Variants in CSMD1 observed in about 807,000 individuals in gnomAD.
CSMD1 encodes the protein CUB and Sushi multiple domains 1.
A neutral mutation model predicts 417.5 loss-of-function variants in CSMD1; 213 were observed. The observed-to-expected ratio is 0.51, with a 90% CI of 0.46 to 0.57. The LOEUF (loss-of-function observed/expected upper bound fraction) is 0.57, where lower values mean the gene tolerates loss of function less well. Ranked by LOEUF, CSMD1 falls within the 20% of genes least tolerant of loss-of-function variation. The pLI is 0.00. For synonymous variants in CSMD1, 2,862 were observed against 1,736.8 expected (o/e 1.65, Z -16.11); for missense variants, 6,923 against 4,529.7 (o/e 1.53, Z -15.17).
At position 3,187,888 on chromosome 8, in the gene CSMD1, G is replaced by T. The variant is rs1022910772; in HGVS notation, c.5601C>A (p.Pro1867=). The change falls in exon 36 of 70, where the codon CCC becomes CCA. Residue 1867 remains proline, a synonymous_variant. Transcript: ENST00000635120. ...EIHDGGDVTA[P]RLGSFSGTTV... Reference sequence around the variant, plus strand: ...TCTTACCTGAGAAGCTTCCCAGTCTGGGTGCGGTCACATCCCCACCATCGT... The same window carrying T: ...TCTTACCTGAGAAGCTTCCCAGTCTTGGTGCGGTCACATCCCCACCATCGT... 7 of 1,612,566 alleles carry T rather than the reference G, an allele frequency of 4.3e-6. No homozygotes were observed. Among genetic ancestry groups the T allele is most frequent in the Admixed American group, 3.3e-5 (2 of 59,918 alleles).
At chr8:4,912,137 A>G (rs965664402) in intron 1 of CSMD1, among the ~76,000 whole-genome samples, 16 of 144,450 alleles carry the variant, frequency 1.1e-4, no homozygotes, top group African/African-American at 3.3e-4. Flanking sequence ...AAAAAAAAAA[A>G]AAAAGAAAGA....
intron 5 of CSMD1, among the ~76,000 whole-genome samples, chr8:3,900,365 A>G (rs572292261): frequency 2.6e-5 from 4 of 151,828 alleles, no homozygotes. Context: ...TTGACAGCAC[A>G]GCTGTGTGAC....
At chr8:3,953,840 G>C (rs1563248912) in intron 5 of CSMD1, among the ~76,000 whole-genome samples, 1 of 152,170 alleles carries the variant, frequency 6.6e-6, no homozygotes, top group Non-Finnish European at 1.5e-5. Flanking sequence ...GCAGTTCCTA[G>C]AGAGCCTAAT....
intron 3 of CSMD1, among the ~76,000 whole-genome samples, chr8:4,239,235 A>G (rs922441191): frequency 3.9e-5 from 6 of 152,224 alleles, no homozygotes; most frequent in African/African-American, 1.4e-4. Flanking sequence ...TGCCAAACTC[A>G]GAATTCCATT....
intron 5 of CSMD1, among the ~76,000 whole-genome samples, chr8:3,767,144 A>C (rs1406562781): frequency 1.3e-5 from 2 of 152,200 alleles, no homozygotes; most frequent in Non-Finnish European, 2.9e-5. Flanking sequence ...CTGTGTCTCC[A>C]GCTGGTCTGT....
chr8:3,705,612 G>A (rs1036598350), intron 7 of CSMD1, among the ~76,000 whole-genome samples: 1 of 152,224 alleles, frequency 6.6e-6, no homozygotes, highest in Admixed American at 6.5e-5. Context: ...GCAAACAGAG[G>A]GGGCTGTGGA....
chr8:4,169,936 G>A (rs1006497821), intron 3 of CSMD1, among the ~76,000 whole-genome samples: 2 of 149,834 alleles, frequency 1.3e-5, no homozygotes, highest in African/African-American at 5.1e-5. Flanking sequence ...ACTCAGAAGA[G>A]ATTTTGGCTT....
At chr8:3,905,886 C>G (rs778086535) in intron 5 of CSMD1, among the ~76,000 whole-genome samples, 9 of 152,234 alleles carry the variant, frequency 5.9e-5, no homozygotes, top group Admixed American at 3.9e-4. Context: ...TTTCTGATCT[C>G]TTACTATTTA....
intron 39 of CSMD1, 103 bp from the exon 40 acceptor site, chr8:3,151,616 C>T (rs575314592): frequency 1.1e-5 from 8 of 710,304 alleles, no homozygotes; most frequent in African/African-American, 5.3e-5. Context: ...AGCAAGTCTT[C>T]GGAGTTAATT....
chr8:4,116,422 A>G (rs1445365517), intron 3 of CSMD1, among the ~76,000 whole-genome samples: 1 of 151,848 alleles, frequency 6.6e-6, no homozygotes, highest in Non-Finnish European at 1.5e-5. Context: ...TAAGCTGTAC[A>G]CATCAGATGG....
intron 5 of CSMD1, among the ~76,000 whole-genome samples, chr8:3,926,229 C>G (rs990652210): frequency 6.6e-6 from 1 of 152,008 alleles, no homozygotes; most frequent in African/African-American, 2.4e-5. Context: ...GATTTATTTC[C>G]TCTTTTATGT....
intron 5 of CSMD1, among the ~76,000 whole-genome samples, chr8:3,936,746 C>G (rs532031120): frequency 6.6e-6 from 1 of 152,280 alleles, no homozygotes; most frequent in South Asian, 2.1e-4. Context: ...ACACAACATC[C>G]ATTCTGCAGC....
chr8:3,995,789 G>A (rs150701693), intron 5 of CSMD1, among the ~76,000 whole-genome samples: 81 of 152,220 alleles, frequency 5.3e-4, no homozygotes, highest in African/African-American at 1.7e-3. Context: ...CTCTATCCCC[G>A]GCTAATCATG....
intron 1 of CSMD1, among the ~76,000 whole-genome samples, chr8:4,705,030 T>C (rs1807832560): frequency 6.6e-6 from 1 of 152,206 alleles, no homozygotes; most frequent in Admixed American, 6.5e-5. Context: ...ATGGTAGTTA[T>C]TTTTCCCATG....
intron 5 of CSMD1, among the ~76,000 whole-genome samples, chr8:3,973,696 T>C (rs1051060833): frequency 8.5e-5 from 13 of 152,220 alleles, no homozygotes; most frequent in Non-Finnish European, 1.9e-4. Context: ...GAGGTGTGAA[T>C]GCAAGACCTT....
In CSMD1 at chr8:4,167,061, G is replaced by C. The variant is rs533182898; in HGVS notation, c.416-134962C>G. On this transcript the variant is annotated intron_variant, in intron 3 of 69. Transcript: ENST00000635120. ...GCTAGAAAACAGCAACAAACGGGGAGGAGAAAAAAACTTAGAATATCTGTA... is the reference window on the plus strand; with the variant it reads ...GCTAGAAAACAGCAACAAACGGGGACGAGAAAAAAACTTAGAATATCTGTA... Among the ~76,000 whole-genome samples, 13 of 152,086 alleles carry C rather than the reference G, an allele frequency of 8.5e-5. No individual in the cohort carries two copies. In the South Asian group the frequency reaches 2.7e-3, roughly 32 times the overall value.
At chr8:3,730,891 T>C (rs1447842456) in intron 6 of CSMD1, among the ~76,000 whole-genome samples, 1 of 152,184 alleles carries the variant, frequency 6.6e-6, no homozygotes, top group African/African-American at 2.4e-5. Flanking sequence ...GCCACTATAA[T>C]ACGTAGACCA....
intron 2 of CSMD1, among the ~76,000 whole-genome samples, chr8:4,457,881 C>A (rs888262195): frequency 1.3e-5 from 2 of 152,144 alleles, no homozygotes. Flanking sequence ...CAGCTTGATG[C>A]AGCACCGTAG....
chr8:3,077,739 T>C (rs1813791900), intron 49 of CSMD1, among the ~76,000 whole-genome samples: 1 of 152,260 alleles, frequency 6.6e-6, no homozygotes, highest in Non-Finnish European at 1.5e-5. Flanking sequence ...TGCTCTTCTT[T>C]CTGCCAGGGA....
Sources: allele counts gnomAD v4.1 joint callset (sites outside exome capture counted in the v4.1 genomes callset), GRCh38; gene constraint gnomAD v4.1.1; transcripts MANE v1.5; gene names NCBI Gene and HGNC (gene_info 2026-07-23, HGNC 2026-07-21).